HECTD2: variants seen among roughly 807,000 people sequenced by gnomAD.
HECTD2 encodes probable E3 ubiquitin-protein ligase HECTD2.
In HECTD2, 35 loss-of-function variants were observed where a neutral mutation model predicts 103.2. The ratio of observed to expected loss-of-function variants is 0.34; its 90% confidence interval spans 0.26 to 0.45. The LOEUF (loss-of-function observed/expected upper bound fraction) is 0.45, where lower values mean the gene tolerates loss of function less well. Among genes scored for constraint, HECTD2 ranks in the 20% least tolerant of loss-of-function variants. The pLI is 1.00. For synonymous variants in HECTD2, 281 were observed against 329.9 expected, an observed-to-expected ratio of 0.85 and a Z score of 1.61; for missense variants, 596 against 937.4, an observed-to-expected ratio of 0.64 and a Z score of 4.76.
chr10:91,449,922 G>A (rs917382122), intron 2 of HECTD2, among the ~76,000 whole-genome samples: 22 of 145,870 alleles, frequency 1.5e-4, no homozygotes, highest in Admixed American at 1.4e-3. Context: ...TGGATAGGAA[G>A]AATCAATATC....
chr10:91,493,472 A>G lies in HECTD2; in HGVS notation c.1485A>G (p.Lys495=). Residue 495 remains lysine (K), a synonymous_variant, in exon 14 of 21, where the codon AAA becomes AAG. Coordinates refer to ENST00000298068, the MANE Select transcript of HECTD2 (RefSeq NM_182765.6). ...DSHCHWFSSF[K]CDNYSEFRLV... The stretch of plus-strand genomic sequence containing the variant: ...ACTGCCATTGGTTTAGCAGCTTTAA[A>G]TGTGATAACTATTCTGAATTCCGAT... 6 of 1,561,430 alleles carry G rather than the reference A, an allele frequency of 3.8e-6. No individual in the cohort carries two copies. The highest frequency in any genetic ancestry group is 5.2e-6 in the Non-Finnish European group (6 of 1,155,896).
At chr10:91,413,120 A>G (rs1842990256) in intron 1 of HECTD2, among the ~76,000 whole-genome samples, 3 of 152,112 alleles carry the variant, frequency 2.0e-5, no homozygotes, top group Admixed American at 6.5e-5. Context: ...TTTTCAGAAA[A>G]TCATTGTACC....
At chr10:91,421,987 T>G (rs1489126243) in intron 1 of HECTD2, among the ~76,000 whole-genome samples, 1 of 152,184 alleles carries the variant, frequency 6.6e-6, no homozygotes. Context: ...TATTACTATC[T>G]CTATTCAAAT....
intron 2 of HECTD2, among the ~76,000 whole-genome samples, chr10:91,454,531 A>C (rs1446632890): frequency 6.6e-6 from 1 of 151,994 alleles, no homozygotes; most frequent in Non-Finnish European, 1.5e-5. Flanking sequence ...GCTGAGAGGG[A>C]AATTTATAGC....
intron 6 of HECTD2, among the ~76,000 whole-genome samples, chr10:91,480,413 A>G (rs1422591005): frequency 1.3e-5 from 2 of 152,070 alleles, no homozygotes; most frequent in East Asian, 1.9e-4. Flanking sequence ...TTTTCAATCC[A>G]GGACCCAGTT....
chr10:91,452,515 T>C (rs952960185), intron 2 of HECTD2, among the ~76,000 whole-genome samples: 2 of 151,796 alleles, frequency 1.3e-5, no homozygotes, highest in Non-Finnish European at 2.9e-5. Context: ...AATTGAGTCA[T>C]GAGGGCTCTG....
intron 2 of HECTD2, among the ~76,000 whole-genome samples, chr10:91,443,467 G>A (rs959542424): frequency 6.6e-6 from 1 of 151,376 alleles, no homozygotes; most frequent in Non-Finnish European, 1.5e-5. Flanking sequence ...TGTCCCAGAG[G>A]GGCACCTGCC....
chr10:91,459,427 T>C (rs1845248987), intron 2 of HECTD2, among the ~76,000 whole-genome samples: 1 of 152,032 alleles, frequency 6.6e-6, no homozygotes, highest in African/African-American at 2.4e-5. Flanking sequence ...AAAACAGATG[T>C]CCTTCAGTGG....
rs1270427499 is a variant in HECTD2 at position 91,487,545 on chromosome 10, A to G, written c.1095-137A>G. On this transcript the variant is annotated intron_variant, in intron 10 of 20. Transcript: ENST00000298068. The surrounding 1 kb of genome is among the most constrained non-coding windows in gnomAD (Gnocchi z 4.1). ...GAGAATTAAAAGAAATTATACACAT[A>G]CAATCATTTTGTATATGGTAAAACA... 1.4e-6 allele frequency: 1 copy of G among 711,148 alleles called. No individual in the cohort carries two copies. Among genetic ancestry groups the G allele is most frequent in the Non-Finnish European group, 2.6e-6 (1 of 382,732 alleles). The allele number at this position is 711,148 out of a possible 1,614,324, so 44.1% of individuals were successfully genotyped here.
intron 1 of HECTD2, among the ~76,000 whole-genome samples, chr10:91,415,581 G>C (rs1360318913): frequency 6.6e-6 from 1 of 152,096 alleles, no homozygotes; most frequent in African/African-American, 2.4e-5. Flanking sequence ...CCTTGCTAAG[G>C]AGTAAAATGG....
chr10:91,454,993 A>G (rs1845013729), intron 2 of HECTD2, among the ~76,000 whole-genome samples: 1 of 152,088 alleles, frequency 6.6e-6, no homozygotes, highest in Non-Finnish European at 1.5e-5. Flanking sequence ...GGTTAGTTCC[A>G]AGTCTTAGCT....
At chr10:91,461,464 T>G (rs533388561) in intron 4 of HECTD2, 108 bp downstream of exon 4, 2 of 526,596 alleles carry the variant, frequency 3.8e-6, no homozygotes, top group Non-Finnish European at 6.7e-6. Context: ...CATGCATATA[T>G]TATGTATTGA....
chr10:91,499,977 T>C (rs920540878), intron 18 of HECTD2, among the ~76,000 whole-genome samples: 6 of 152,130 alleles, frequency 3.9e-5, no homozygotes, highest in African/African-American at 1.4e-4. Context: ...GACACTCTGG[T>C]AATTGTGGGA....
At chr10:91,490,857 G>C (rs1374157287) in intron 11 of HECTD2, among the ~76,000 whole-genome samples, 2 of 121,482 alleles carry the variant, frequency 1.6e-5, no homozygotes, top group Non-Finnish European at 3.2e-5. Context: ...CGCCACTGCA[G>C]TCCAGCTTGG....
chr10:91,412,823 G>A (rs1199495596), intron 1 of HECTD2, among the ~76,000 whole-genome samples: 2 of 152,036 alleles, frequency 1.3e-5, no homozygotes, highest in African/African-American at 4.8e-5. Context: ...CTGGGGTGGT[G>A]ATTGACTTTT....
chr10:91,465,129 C>A (rs1236978884), intron 5 of HECTD2, among the ~76,000 whole-genome samples: 1 of 152,018 alleles, frequency 6.6e-6, no homozygotes, highest in African/African-American at 2.4e-5. Flanking sequence ...ACAAATAATT[C>A]TGAAATTACA....
At chr10:91,502,856 A>G (rs1846959679) in intron 20 of HECTD2, among the ~76,000 whole-genome samples, 1 of 152,216 alleles carries the variant, frequency 6.6e-6, no homozygotes, top group Non-Finnish European at 1.5e-5. Flanking sequence ...GTGAGCTAAC[A>G]TGGCTTCAAC....
At chr10:91,451,280 C>T (rs1283493943) in intron 2 of HECTD2, among the ~76,000 whole-genome samples, 1 of 152,064 alleles carries the variant, frequency 6.6e-6, no homozygotes, top group South Asian at 2.1e-4. Context: ...AACAGAAAAC[C>T]GAACACCACA....
chr10:91,432,130 A>C (rs979934902), intron 2 of HECTD2, among the ~76,000 whole-genome samples: 2 of 151,988 alleles, frequency 1.3e-5, no homozygotes, highest in Non-Finnish European at 2.9e-5. Context: ...GTTAGGCTAC[A>C]TCTTCCAAAT....
Sources: gnomAD v4.1 joint callset for allele counts (sites outside exome capture counted in the v4.1 genomes callset) on GRCh38, gnomAD v4.1.1 for gene constraint, Gnocchi (gnomAD v3.1) non-coding constraint, MANE v1.5 for transcripts, NCBI Gene and HGNC (gene_info 2026-07-23, HGNC 2026-07-21) for gene names.